Variants in ME1 observed in about 807,000 individuals in gnomAD.
ME1 encodes NADP-dependent malic enzyme.
Under a neutral mutation model 66.4 loss-of-function variants are expected in ME1, and 74 were observed. The ratio of observed to expected loss-of-function variants is 1.11; its 90% confidence interval spans 0.92 to 1.35. The LOEUF is 1.35. Among genes scored for constraint, ME1 ranks in the 40% most tolerant of loss-of-function variants. The pLI is 0.00. For synonymous variants in ME1, 251 were observed against 235.6 expected (o/e 1.07, Z -0.60); for missense variants, 750 against 694.1 (o/e 1.08, Z -0.90).
At position 83,298,931 on chromosome 6, in the gene ME1, G is replaced by GTTTTTTTTTTTTTTTTTTTTTTTTT. The variant is rs61055748; in HGVS notation, c.704+16354_704+16378dup. On this transcript the variant is annotated intron_variant, in intron 6 of 13. Transcript: ENST00000369705. The stretch of plus-strand genomic sequence containing the variant: ...TGCTGTTCCATTAGTCTATGTGTCT[G>GTTTTTTTTTTTTTTTTTTTTTTTTT]TTTTTTTTTTTTTTTTTTTTTTTTT... Among the ~76,000 whole-genome samples, 7 of 22,458 alleles carry GTTTTTTTTTTTTTTTTTTTTTTTTT rather than the reference G, an allele frequency of 3.1e-4. 2 individuals are homozygous for GTTTTTTTTTTTTTTTTTTTTTTTTT. Among genetic ancestry groups the GTTTTTTTTTTTTTTTTTTTTTTTTT allele is most frequent in the Non-Finnish European group, 4.7e-4 (6 of 12,852 alleles). The allele number at this position is 22,458 out of a possible 152,430, so 14.7% of individuals were successfully genotyped here. A position where few individuals can be genotyped will look rare whatever the true frequency, so the allele number is the denominator to read the frequency against.
intron 7 of ME1, among the ~76,000 whole-genome samples, chr6:83,248,014 T>A (rs1790656120): frequency 6.6e-6 from 1 of 152,152 alleles, no homozygotes; most frequent in Non-Finnish European, 1.5e-5. Flanking sequence ...ATGCTGTGGA[T>A]CCTCAGGGCT....
intron 5 of ME1, among the ~76,000 whole-genome samples, chr6:83,333,938 A>G (rs957041410): frequency 2.6e-5 from 4 of 151,924 alleles, no homozygotes; most frequent in Admixed American, 2.6e-4. Context: ...TACTGATATA[A>G]AACTCCAAGT....
chr6:83,306,089 GTTTT>G, intron 6 of ME1, among the ~76,000 whole-genome samples: 1 of 152,102 alleles, frequency 6.6e-6, no homozygotes, highest in East Asian at 1.9e-4. Context: ...TATTGATAGT[GTTTT>G]TTGTTTTGTT....
At chr6:83,273,554 T>C (rs1767123490) in intron 6 of ME1, among the ~76,000 whole-genome samples, 1 of 152,106 alleles carries the variant, frequency 6.6e-6, no homozygotes, top group African/African-American at 2.4e-5. Context: ...AAAACAACAT[T>C]CCATGATTAA....
intron 5 of ME1, among the ~76,000 whole-genome samples, chr6:83,331,966 T>C (rs888522991): frequency 1.1e-4 from 16 of 152,148 alleles, no homozygotes; most frequent in African/African-American, 3.9e-4. Context: ...AAAACAGACA[T>C]ATAATCAACA....
chr6:83,340,510 C>T (rs1262663222), intron 5 of ME1, among the ~76,000 whole-genome samples: 2 of 152,140 alleles, frequency 1.3e-5, no homozygotes, highest in Non-Finnish European at 2.9e-5. Context: ...TTACCAAGTG[C>T]TTTCAAAATG....
At chr6:83,255,745 C>T (rs961344722) in intron 6 of ME1, among the ~76,000 whole-genome samples, 2 of 151,992 alleles carry the variant, frequency 1.3e-5, no homozygotes, top group Non-Finnish European at 2.9e-5. Context: ...TGTGCTTTCC[C>T]ATTTTATTCT....
rs141968775 is a variant in ME1 at position 83,418,049 on chromosome 6, G to A, written c.79-10148C>T. On this transcript the variant is annotated intron_variant, in intron 1 of 13. Transcript: ENST00000369705. ...AGTTTCTTAAGGGATATATACCTCA[G>A]ACATGATATTCCCAGAAACACCACA... Among the ~76,000 whole-genome samples, 3 of 152,284 alleles carry A rather than the reference G, an allele frequency of 2.0e-5. No homozygotes were observed. In the East Asian group the frequency reaches 5.8e-4, roughly 29 times the overall value.
chr6:83,393,581 A>G (rs1023973320), intron 3 of ME1, among the ~76,000 whole-genome samples: 6 of 140,892 alleles, frequency 4.3e-5, no homozygotes, highest in African/African-American at 1.6e-4. Flanking sequence ...CTTTTCATGT[A>G]CCATCAATAA....
At chr6:83,233,626 A>G (rs1014681111) in intron 9 of ME1, among the ~76,000 whole-genome samples, 1 of 152,030 alleles carries the variant, frequency 6.6e-6, no homozygotes, top group Non-Finnish European at 1.5e-5. Flanking sequence ...AGTTTTTGAC[A>G]TGGTGTTTTT....
At chr6:83,253,782 C>A in intron 6 of ME1, 44 bp from the exon 7 acceptor site, 2 of 992,794 alleles carry the variant, frequency 2.0e-6, no homozygotes, top group South Asian at 1.4e-5. Flanking sequence ...TAATAAAATG[C>A]TATTTAAAAA....
chr6:83,377,617 A>G (rs1247414859), intron 3 of ME1, among the ~76,000 whole-genome samples: 2 of 152,020 alleles, frequency 1.3e-5, no homozygotes, highest in African/African-American at 4.8e-5. Context: ...TTAAACTCCC[A>G]AATATATAAT....
intron 6 of ME1, among the ~76,000 whole-genome samples, chr6:83,266,051 T>C (rs1766984012): frequency 1.3e-5 from 2 of 152,222 alleles, no homozygotes; most frequent in Non-Finnish European, 2.9e-5. Context: ...TTGTAGGCTC[T>C]ATACATAATC....
Position 83,358,650 on chromosome 6 carries a change from T to C in ME1, c.363-6511A>G, listed in dbSNP as rs559227506. Among the ~76,000 whole-genome samples the C allele has an allele frequency of 1.8e-4, 27 of 152,258 alleles. No individual in the cohort carries two copies. The East Asian group carries it at 4.3e-3, about 24-fold the overall frequency. The stretch of plus-strand genomic sequence containing the variant: ...CCATGCAACTTGGAATGGGGATGTG[T>C]GGGAGAACCCCAATGAAACTGGGGA... On this transcript the variant is annotated intron_variant, in intron 3 of 13. Coordinates refer to ENST00000369705, the MANE Select transcript of ME1 (RefSeq NM_002395.6).
intron 6 of ME1, among the ~76,000 whole-genome samples, chr6:83,284,358 A>G (rs1767359304): frequency 6.6e-6 from 1 of 152,124 alleles, no homozygotes; most frequent in African/African-American, 2.4e-5. Context: ...CCCAAAAAAA[A>G]TCAAGGAGGA....
intron 6 of ME1, among the ~76,000 whole-genome samples, chr6:83,281,502 C>T (rs937943114): frequency 6.6e-6 from 1 of 151,980 alleles, no homozygotes; most frequent in African/African-American, 2.4e-5. Flanking sequence ...CAAGGCAAGG[C>T]TGAAAATCAA....
At chr6:83,429,251 C>A (rs6454327) in intron 1 of ME1, among the ~76,000 whole-genome samples, 149,213 of 152,282 alleles carry the variant, frequency 0.98, 73,168 homozygotes, top group Middle Eastern at 1. Flanking sequence ...CGACAGAGCG[C>A]GACTCCGTCT....
intron 2 of ME1, 107 bp downstream of exon 2, chr6:83,407,661 G>T: frequency 2.7e-6 from 3 of 1,103,016 alleles, no homozygotes; most frequent in Non-Finnish European, 3.8e-6. Context: ...TCTCAAAGTT[G>T]GCTACCCTTT....
At chr6:83,412,614 T>C (rs778231719) in intron 1 of ME1, among the ~76,000 whole-genome samples, 1 of 152,136 alleles carries the variant, frequency 6.6e-6, no homozygotes, top group Non-Finnish European at 1.5e-5. Flanking sequence ...CTTCAACTAG[T>C]AAATGGATAA....
Sources: gnomAD v4.1 joint callset for allele counts (sites outside exome capture counted in the v4.1 genomes callset) on GRCh38, gnomAD v4.1.1 for gene constraint, MANE v1.5 for transcripts, NCBI Gene and HGNC (gene_info 2026-07-23, HGNC 2026-07-21) for gene names.